CSGALNACT1: variants seen among roughly 807,000 people sequenced by gnomAD.
The protein encoded by CSGALNACT1 is beta4GalNAcT-1.
In CSGALNACT1, 52 loss-of-function variants were observed where a neutral mutation model predicts 51.0. The observed-to-expected ratio is 1.02, with a 90% CI of 0.82 to 1.29. CSGALNACT1 has a LOEUF of 1.29. Ranked by LOEUF, CSGALNACT1 falls within the 50% of genes most tolerant of loss-of-function variation. CSGALNACT1 has a pLI of 0.00. For synonymous variants in CSGALNACT1, 341 were observed against 254.4 expected, an observed-to-expected ratio of 1.34 and a Z score of -3.24; for missense variants, 935 against 679.2, an observed-to-expected ratio of 1.38 and a Z score of -4.19.
At chr8:19,752,984 C>A (rs1377318762) in intron 1 of CSGALNACT1, among the ~76,000 whole-genome samples, 3 of 152,148 alleles carry the variant, frequency 2.0e-5, no homozygotes, top group Admixed American at 6.5e-5. Flanking sequence ...CTCAACTCAG[C>A]CATCCATAAC....
Position 19,458,388 on chromosome 8 carries a change from T to C in CSGALNACT1, c.851+38A>G, listed in dbSNP as rs201612208. 89 of 1,488,422 alleles carry C rather than the reference T, an allele frequency of 6.0e-5. No homozygotes were observed. The Admixed American group carries it at 1.5e-3, about 25-fold the overall frequency. The allele number at this position is 1,488,422 out of a possible 1,614,324, so 92.2% of individuals were successfully genotyped here. ...AATGATATCAGTGTTCTAACACACA[T>C]CATGCGGAGGAAGATAAACACGTGC... On this transcript the variant is annotated intron_variant, in intron 5 of 9. Coordinates refer to ENST00000454498, the Ensembl canonical transcript of CSGALNACT1.
chr8:19,703,032 A>G (rs73218625), intron 1 of CSGALNACT1, among the ~76,000 whole-genome samples: 2,232 of 152,246 alleles, frequency 0.015, 30 homozygotes, highest in South Asian at 0.047. Context: ...TTCAAGCTCA[A>G]AAGGGAAACC....
chr8:19,666,979 G>GA (rs1230350408), intron 1 of CSGALNACT1, among the ~76,000 whole-genome samples: 20 of 12,410 alleles, frequency 1.6e-3, no homozygotes, highest in African/African-American at 9.3e-3. Flanking sequence ...AAGAAAGAAA[G>GA]AAAGAAAGAA....
intron 1 of CSGALNACT1, among the ~76,000 whole-genome samples, chr8:19,662,329 C>T (rs569658862): frequency 6.6e-5 from 10 of 151,040 alleles, no homozygotes; most frequent in East Asian, 2.0e-4. Context: ...TGCAGTGAGC[C>T]GAGATCACAC....
At position 19,674,562 on chromosome 8, in the gene CSGALNACT1, T is replaced by C. The variant is rs984190058; in HGVS notation, c.-544+7911A>G. On this transcript the variant is annotated intron_variant, in intron 1 of 9. Coordinates refer to the CSGALNACT1 transcript ENST00000332246. ...AGTGGGAAAAGGCAGGAATGGGCAA[T>C]GGGGAGAGATGACCCTACCACCGCA... Among the ~76,000 whole-genome samples, 92 of 151,780 alleles carry C rather than the reference T, an allele frequency of 6.1e-4. 2 individuals are homozygous for C. The highest frequency in any genetic ancestry group is 1.3e-4 in the Non-Finnish European group (9 of 67,926).
At chr8:19,526,308 G>T (rs868555695) in intron 3 of CSGALNACT1, among the ~76,000 whole-genome samples, 2 of 152,218 alleles carry the variant, frequency 1.3e-5, no homozygotes, top group Non-Finnish European at 2.9e-5. Context: ...ATAAAGGCCA[G>T]GCACAGTGGC....
chr8:19,418,716 C>G lies in CSGALNACT1; in HGVS notation c.1167G>C (p.Gln389His). ...GGCCGTATATTATGCCAGGATTGTA[C>G]TGACTGAAAAGAACTGGATAAAATA... The change falls in exon 8 of 10, where the codon CAG becomes CAC. Residue 389 changes from glutamine (Q) to histidine (H), a missense_variant. Gln to His is a conservative substitution (Grantham distance 24). Coordinates refer to ENST00000454498, the Ensembl canonical transcript of CSGALNACT1. 1.2e-6 allele frequency: 2 copies of G among 1,613,588 alleles called. No homozygotes were observed. The highest frequency in any genetic ancestry group is 1.7e-5 in the Admixed American group (1 of 60,032).
intron 1 of CSGALNACT1, among the ~76,000 whole-genome samples, chr8:19,637,556 T>C (rs748320631): frequency 6.6e-6 from 1 of 152,234 alleles, no homozygotes; most frequent in Admixed American, 6.5e-5. Context: ...CGAACAGTTA[T>C]GTGGTCACAT....
chr8:19,517,782 T>A (rs2079855459), intron 3 of CSGALNACT1, among the ~76,000 whole-genome samples: 1 of 152,188 alleles, frequency 6.6e-6, no homozygotes, highest in Admixed American at 6.5e-5. Context: ...ACCACACCCA[T>A]GATTCAATTA....
At chr8:19,487,969 C>T (rs1377300716) in intron 4 of CSGALNACT1, among the ~76,000 whole-genome samples, 1 of 151,668 alleles carries the variant, frequency 6.6e-6, no homozygotes, top group African/African-American at 2.4e-5. Flanking sequence ...TAATACACCT[C>T]CCAAGAGACA....
chr8:19,567,562 G>A (rs967312502), intron 3 of CSGALNACT1, among the ~76,000 whole-genome samples: 15 of 152,120 alleles, frequency 9.9e-5, no homozygotes, highest in African/African-American at 1.7e-4. Flanking sequence ...CTTCTTTTGC[G>A]ATCTGGATTA....
At chr8:19,571,905 G>C (rs557927172) in intron 3 of CSGALNACT1, among the ~76,000 whole-genome samples, 2 of 152,300 alleles carry the variant, frequency 1.3e-5, no homozygotes, top group South Asian at 2.1e-4. Flanking sequence ...GGCCTACAAA[G>C]ATAAGATGGA....
At chr8:19,747,167 A>G (rs2064725332) in intron 1 of CSGALNACT1, among the ~76,000 whole-genome samples, 2 of 152,200 alleles carry the variant, frequency 1.3e-5, no homozygotes. Flanking sequence ...TCATCTTGAG[A>G]CGACAGGGGA....
intron 1 of CSGALNACT1, among the ~76,000 whole-genome samples, chr8:19,648,913 T>C (rs779183108): frequency 7.9e-5 from 12 of 152,208 alleles, no homozygotes; most frequent in Non-Finnish European, 1.5e-4. Flanking sequence ...ACAAATGCAG[T>C]AGCTCTATAC....
At position 19,405,970 on chromosome 8, in the gene CSGALNACT1, C is replaced by T. The variant is rs200462016; in HGVS notation, c.1409G>A (p.Arg470Gln). Residue 470 changes from arginine (R) to glutamine (Q), a missense_variant, in exon 10 of 10, where the codon CGA becomes CAA. By Grantham distance (43) the Arg-to-Gln change is conservative (BLOSUM62 1). Coordinates refer to ENST00000454498, the Ensembl canonical transcript of CSGALNACT1. ...CTCATGCCAGAGGTGGAAGAGTCCT[C>T]GCACAGGCGTCCGTACCACTATGAG... is the stretch of plus-strand genomic sequence containing the variant. 26 of 1,614,196 alleles carry T rather than the reference C, an allele frequency of 1.6e-5. 1 individual carries two copies. Among genetic ancestry groups the T allele is most frequent in the South Asian group, 9.9e-5 (9 of 91,086 alleles).
intron 1 of CSGALNACT1, among the ~76,000 whole-genome samples, chr8:19,739,661 T>G (rs2064190504): frequency 6.6e-6 from 1 of 152,190 alleles, no homozygotes; most frequent in Non-Finnish European, 1.5e-5. Flanking sequence ...TCCTCTGCCC[T>G]TCCTTTCCTT....
intron 3 of CSGALNACT1, among the ~76,000 whole-genome samples, chr8:19,554,468 G>A: frequency 1.1e-5 from 1 of 92,464 alleles, no homozygotes; most frequent in East Asian, 2.7e-4. Context: ...GGTAATGAAG[G>A]AAGATATAAA....
rs2080900706 is a variant in CSGALNACT1, at chr8:19,522,351, T to C, written c.-296-16221A>G. Among the ~76,000 whole-genome samples, 3 of 152,124 alleles carry C rather than the reference T, an allele frequency of 2.0e-5. No homozygotes were observed. The South Asian group carries it at 6.2e-4, about 32-fold the overall frequency. ...GACTCTTCATCTCTTGCCTCTAAATTTGCACTTTCCAAATTTTAAATCAAA... is the reference window on the plus strand; with the variant it reads ...GACTCTTCATCTCTTGCCTCTAAATCTGCACTTTCCAAATTTTAAATCAAA... On this transcript the variant is annotated intron_variant, in intron 3 of 9. Transcript: ENST00000454498.
chr8:19,701,207 G>A (rs1269986835), intron 1 of CSGALNACT1, among the ~76,000 whole-genome samples: 1 of 128,860 alleles, frequency 7.8e-6, no homozygotes, highest in Non-Finnish European at 1.6e-5. Flanking sequence ...CCAGGCTGGA[G>A]TGCAGTGGGG....
Sources: gnomAD v4.1 joint callset for allele counts (sites outside exome capture counted in the v4.1 genomes callset) on GRCh38, gnomAD v4.1.1 for gene constraint, MANE v1.5 for transcripts, NCBI Gene and HGNC (gene_info 2026-07-23, HGNC 2026-07-21) for gene names.